EYS: variants seen among roughly 807,000 people sequenced by gnomAD.
The protein encoded by EYS is protein eyes shut homolog.
A neutral mutation model predicts 282.1 loss-of-function variants in EYS; 250 were observed. That is an observed-to-expected ratio of 0.89 (90% confidence interval 0.80 to 0.98). The LOEUF is 0.98. Among genes scored for constraint, EYS ranks in the 50% least tolerant of loss-of-function variants. The probability of loss-of-function intolerance (pLI) is 0.00; values close to 1 mark genes in which losing one functional copy is unlikely to be tolerated. For missense variants in EYS, 4,016 were observed against 3,709.0 expected (o/e 1.08, Z -2.15); for synonymous variants, 1,355 against 1,282.9 (o/e 1.06, Z -1.20).
At chr6:65,276,590 GA>G (rs1462875378) in intron 12 of EYS, among the ~76,000 whole-genome samples, 1 of 152,084 alleles carries the variant, frequency 6.6e-6, no homozygotes, top group Non-Finnish European at 1.5e-5. Flanking sequence ...GCTATATCTG[GA>G]ATAAAGATCA....
At chr6:64,117,681 A>T (rs1773435482) in intron 31 of EYS, among the ~76,000 whole-genome samples, 1 of 151,944 alleles carries the variant, frequency 6.6e-6, no homozygotes, top group Admixed American at 6.6e-5. Flanking sequence ...TACTCAACAT[A>T]GTACTAGAGG....
intron 22 of EYS, among the ~76,000 whole-genome samples, chr6:64,802,277 T>A (rs1562199678): frequency 2.6e-5 from 4 of 151,842 alleles, no homozygotes; most frequent in African/African-American, 7.3e-5. Context: ...GGTCTCTAAC[T>A]CCTGACCTCA....
At chr6:63,857,872 A>T (rs1772434416) in intron 36 of EYS, 1 of 199,002 alleles carries the variant, frequency 5.0e-6, no homozygotes, top group East Asian at 1.4e-4. Context: ...AATGGTATGA[A>T]GTCCTCTTTG....
intron 22 of EYS, among the ~76,000 whole-genome samples, chr6:64,719,789 A>C (rs1771514202): frequency 6.6e-6 from 1 of 152,170 alleles, no homozygotes; most frequent in African/African-American, 2.4e-5. Flanking sequence ...CTATAGTCCC[A>C]GAACGGGAGG....
At chr6:64,834,442 T>C (rs894641494) in intron 19 of EYS, among the ~76,000 whole-genome samples, 1 of 151,830 alleles carries the variant, frequency 6.6e-6, no homozygotes, top group African/African-American at 2.4e-5. Context: ...TCCATATGGC[T>C]AATTCCATAG....
At chr6:65,229,395 A>G (rs917774394) in intron 12 of EYS, among the ~76,000 whole-genome samples, 4 of 151,976 alleles carry the variant, frequency 2.6e-5, no homozygotes, top group East Asian at 1.9e-4. Context: ...TTTGTGTTAT[A>G]TAACAGTAGA....
intron 12 of EYS, among the ~76,000 whole-genome samples, chr6:65,152,923 G>T (rs896160766): frequency 1.3e-5 from 2 of 149,860 alleles, no homozygotes; most frequent in Non-Finnish European, 3.0e-5. Context: ...ACTTCATATT[G>T]TTAATTAATT....
At chr6:65,295,382 A>G (rs1768632580) in intron 12 of EYS, among the ~76,000 whole-genome samples, 1 of 151,964 alleles carries the variant, frequency 6.6e-6, no homozygotes. Context: ...CAGAGAATAT[A>G]GTATGTTTGT....
intron 35 of EYS, among the ~76,000 whole-genome samples, chr6:63,874,721 C>G (rs562959466): frequency 3.3e-5 from 5 of 152,250 alleles, no homozygotes; most frequent in Non-Finnish European, 7.4e-5. Flanking sequence ...ATATTTTATT[C>G]TCTTTGAAGC....
chr6:65,014,952 G>A (rs922682248), intron 13 of EYS, among the ~76,000 whole-genome samples: 9 of 152,078 alleles, frequency 5.9e-5, no homozygotes, highest in Non-Finnish European at 1.2e-4. Flanking sequence ...TTATAAGAGA[G>A]AGGCAAGAAG....
At chr6:65,556,714 T>A (rs1768821016) in intron 2 of EYS, among the ~76,000 whole-genome samples, 1 of 152,154 alleles carries the variant, frequency 6.6e-6, no homozygotes, top group Non-Finnish European at 1.5e-5. Flanking sequence ...TCCTCAAAAT[T>A]TTCTTGTAAT....
rs1284094134 is a variant in EYS at position 65,491,485 on chromosome 6, T to G, written c.749-778A>C. On this transcript the variant is annotated intron_variant, in intron 4 of 42. Coordinates refer to ENST00000503581, the MANE Select transcript of EYS (RefSeq NM_001142800.2). The stretch of plus-strand genomic sequence containing the variant: ...TTAATTAAGCTCTTAATTTAATTTA[T>G]GAGCAGTTTTTGCCATTATCATTGA... The G allele has an allele frequency of 4.6e-5, 16 of 344,692 alleles. No individual in the cohort carries two copies. In the Admixed American group the frequency reaches 5.9e-4, roughly 13 times the overall value. 21.4% of individuals were successfully genotyped at this position (344,692 alleles called of 1,614,324 possible).
Position 64,591,769 on chromosome 6 carries a change from T to C in EYS, c.4098A>G (p.Thr1366=), listed in dbSNP as rs2149832446. 2 of 1,551,350 alleles carry C rather than the reference T, an allele frequency of 1.3e-6. No homozygotes were observed. The highest frequency in any genetic ancestry group is 1.2e-5 in the South Asian group (1 of 84,052). ...TTCGAATAGGCATATGTGATACCGA[T>C]GTTTTGTCCTGGACAATTTGTGCTG... ...RDPAQIVQDK[T]SVSHMPIRTS... The change falls in exon 26 of 43, where the codon ACA becomes ACG. Residue 1366 remains threonine, a synonymous_variant. Coordinates refer to ENST00000503581, the MANE Select transcript of EYS (RefSeq NM_001142800.2).
At chr6:65,197,950 T>A (rs1765809235) in intron 12 of EYS, among the ~76,000 whole-genome samples, 1 of 152,088 alleles carries the variant, frequency 6.6e-6, no homozygotes, top group Non-Finnish European at 1.5e-5. Context: ...AATAAATTCA[T>A]CTTAGCTAAC....
At chr6:65,163,640 T>C (rs1401842460) in intron 12 of EYS, among the ~76,000 whole-genome samples, 1 of 151,270 alleles carries the variant, frequency 6.6e-6, no homozygotes, top group Non-Finnish European at 1.5e-5. Context: ...AGAGCAAGGA[T>C]AAAGCATATG....
At chr6:65,666,686 A>C (rs1582581427) in intron 1 of EYS, among the ~76,000 whole-genome samples, 1 of 151,662 alleles carries the variant, frequency 6.6e-6, no homozygotes, top group East Asian at 1.9e-4. Context: ...CTAACATATT[A>C]AAATATTCTA....
intron 30 of EYS, among the ~76,000 whole-genome samples, chr6:64,284,820 G>A (rs1451531642): frequency 6.6e-6 from 1 of 152,154 alleles, no homozygotes; most frequent in Non-Finnish European, 1.5e-5. Context: ...CAAGCTCTGT[G>A]TTGGCCTCTT....
chr6:64,050,914 A>G (rs977006137), intron 33 of EYS, among the ~76,000 whole-genome samples: 4 of 152,186 alleles, frequency 2.6e-5, no homozygotes, highest in Non-Finnish European at 4.4e-5. Flanking sequence ...AATCTGAATG[A>G]TCTGAATATT....
chr6:64,850,310 G>A (rs1765841812), intron 19 of EYS, among the ~76,000 whole-genome samples: 1 of 152,024 alleles, frequency 6.6e-6, no homozygotes, highest in Admixed American at 6.6e-5. Flanking sequence ...CAGATAATAT[G>A]TAATCTCTCA....
Sources: gnomAD v4.1 joint callset for allele counts (sites outside exome capture counted in the v4.1 genomes callset) on GRCh38, gnomAD v4.1.1 for gene constraint, MANE v1.5 for transcripts, NCBI Gene and HGNC (gene_info 2026-07-23, HGNC 2026-07-21) for gene names.